GRM1: variants seen among roughly 807,000 people sequenced by gnomAD.
GRM1 encodes the protein metabotropic glutamate receptor 1.
In GRM1, 33 loss-of-function variants were observed where a neutral mutation model predicts 90.9. The ratio of observed to expected loss-of-function variants is 0.36; its 90% CI spans 0.28 to 0.49. GRM1 has a LOEUF of 0.49. GRM1 is among the 20% of genes least tolerant of loss of function. The probability of loss-of-function intolerance (pLI) is 0.99; values close to 1 mark genes in which losing one functional copy is unlikely to be tolerated. For missense variants in GRM1, 1,190 were observed against 1,534.3 expected (o/e 0.78, Z 3.75); for synonymous variants, 700 against 613.2 (o/e 1.14, Z -2.09).
At chr6:146,302,808 G>C (rs1414883654) in intron 2 of GRM1, among the ~76,000 whole-genome samples, 1 of 151,656 alleles carries the variant, frequency 6.6e-6, no homozygotes, top group African/African-American at 2.4e-5. Context: ...CTGGCACACA[G>C]TGACTGCTAG....
intron 1 of GRM1, among the ~76,000 whole-genome samples, chr6:146,141,181 C>T (rs367819025): frequency 1.1e-4 from 16 of 151,828 alleles, no homozygotes; most frequent in African/African-American, 2.7e-4. Flanking sequence ...TTTTTTCGTC[C>T]TGCATTTTAA....
chr6:146,095,694 G>A (rs1257029132), intron 1 of GRM1, among the ~76,000 whole-genome samples: 1 of 152,072 alleles, frequency 6.6e-6, no homozygotes, highest in Non-Finnish European at 1.5e-5. Context: ...GTCTGGCCCA[G>A]GGTAGGTTTC....
intron 7 of GRM1, among the ~76,000 whole-genome samples, chr6:146,421,538 C>T (rs1028179520): frequency 2.6e-5 from 4 of 151,940 alleles, no homozygotes; most frequent in Non-Finnish European, 1.5e-5. Flanking sequence ...TTAAAAGGAG[C>T]AGATTCATAT....
intron 3 of GRM1, among the ~76,000 whole-genome samples, chr6:146,321,760 GTT>G (rs1283407189): frequency 6.6e-6 from 1 of 151,942 alleles, no homozygotes; most frequent in Non-Finnish European, 1.5e-5. Context: ...TTTAAAGTCT[GTT>G]TTATCAGAGA....
At chr6:146,363,141 TA>T (rs1247189777) in intron 5 of GRM1, among the ~76,000 whole-genome samples, 1 of 152,152 alleles carries the variant, frequency 6.6e-6, no homozygotes, top group Non-Finnish European at 1.5e-5. Flanking sequence ...TATCCTTCTT[TA>T]AAAAAATTAA....
chr6:146,287,182 T>C (rs935081344), intron 2 of GRM1, among the ~76,000 whole-genome samples: 2 of 152,204 alleles, frequency 1.3e-5, no homozygotes, highest in African/African-American at 4.8e-5. Flanking sequence ...AGAGGAGTTT[T>C]CTGTAATAAG....
chr6:146,082,645 A>G (rs1257128955), intron 1 of GRM1, among the ~76,000 whole-genome samples: 1 of 152,064 alleles, frequency 6.6e-6, no homozygotes, highest in Non-Finnish European at 1.5e-5. Context: ...TATTTTCCCT[A>G]TCCTCATCCT....
Position 146,276,604 on chromosome 6 carries a change from G to A in GRM1, c.951-28007G>A, listed in dbSNP as rs187035750. Among the ~76,000 whole-genome samples the A allele has an allele frequency of 4.8e-3, 728 of 151,982 alleles. 4 individuals carry two copies. Among genetic ancestry groups the A allele is most frequent in the African/African-American group, 0.017 (698 of 41,466 alleles). On this transcript the variant is annotated intron_variant, in intron 2 of 7. Transcript: ENST00000282753. ...TAGAGACAAAGAAAAAAAATTAACAGGCAAAAGATGAAAGCTATCAGTCTG... is the reference window on the plus strand; with the variant it reads ...TAGAGACAAAGAAAAAAAATTAACAAGCAAAAGATGAAAGCTATCAGTCTG...
intron 1 of GRM1, among the ~76,000 whole-genome samples, chr6:146,115,185 A>G (rs374747933): frequency 1.9e-3 from 296 of 151,952 alleles, no homozygotes; most frequent in African/African-American, 6.0e-3. Flanking sequence ...TAAAATGCTC[A>G]TAAGAATCAC....
intron 3 of GRM1, among the ~76,000 whole-genome samples, chr6:146,350,421 T>A (rs181066096): frequency 1.4e-3 from 218 of 152,262 alleles, no homozygotes; most frequent in African/African-American, 5.1e-3. Flanking sequence ...GACAGGACAC[T>A]TTAAGGGGCT....
rs1790642622 is a variant in GRM1, at chr6:146,029,733, G to A, written c.216G>A (p.Glu72=). 1.9e-6 allele frequency: 3 copies of A among 1,614,078 alleles called. No homozygotes were observed. The highest frequency in any genetic ancestry group is 2.2e-5 in the East Asian group (1 of 44,858). The stretch of plus-strand genomic sequence containing the variant: ...AGAGGAAGTGTGGGGAGATCAGGGA[G>A]CAGTATGGCATCCAGAGGGTGGAGG... ...VPERKCGEIR[E]QYGIQRVEAM... is the part of the protein sequence containing the mutation. The change falls in exon 1 of 8, where the codon GAG becomes GAA. Residue 72 remains glutamate, a synonymous_variant. Transcript: ENST00000282753.
At chr6:146,303,719 A>G (rs1783475769) in intron 2 of GRM1, among the ~76,000 whole-genome samples, 1 of 152,068 alleles carries the variant, frequency 6.6e-6, no homozygotes, top group Non-Finnish European at 1.5e-5. Flanking sequence ...CTCACCCGGG[A>G]CTAAAAACCT....
chr6:146,134,945 A>G (rs1776561443), intron 1 of GRM1, among the ~76,000 whole-genome samples: 1 of 151,958 alleles, frequency 6.6e-6, no homozygotes, highest in Non-Finnish European at 1.5e-5. Flanking sequence ...ACAAAACAAA[A>G]CAAAACAAAA....
chr6:146,227,294 A>T (rs1335988579), intron 2 of GRM1, among the ~76,000 whole-genome samples: 1 of 151,960 alleles, frequency 6.6e-6, no homozygotes, highest in Non-Finnish European at 1.5e-5. Context: ...CCACTTTCAC[A>T]GTGGGGTTTG....
rs779571438 is a variant in GRM1, at chr6:146,371,697, A to G, written c.1602+14003A>G. 1.4e-4 allele frequency among the ~76,000 whole-genome samples: 22 copies of G among 152,192 alleles called. 1 individual carries two copies. The highest frequency in any genetic ancestry group is 2.1e-4 in the Non-Finnish European group (14 of 67,986). On this transcript the variant is annotated intron_variant, in intron 5 of 7. Transcript: ENST00000282753. ...TTGATTTGATTTTTAGATCCCGCAG[A>G]TAAGTGGGAATATGTGATGCTTGTG... is the stretch of plus-strand genomic sequence containing the variant.
At chr6:146,342,856 A>T (rs1232228891) in intron 3 of GRM1, among the ~76,000 whole-genome samples, 1 of 152,242 alleles carries the variant, frequency 6.6e-6, no homozygotes, top group Non-Finnish European at 1.5e-5. Context: ...TATATCCCAC[A>T]TCTAGCTTTC....
intron 1 of GRM1, among the ~76,000 whole-genome samples, chr6:146,120,246 A>C (rs1775928050): frequency 6.6e-6 from 1 of 151,174 alleles, no homozygotes; most frequent in South Asian, 2.1e-4. Flanking sequence ...TCTGTTTGTT[A>C]TTGGTGTATA....
chr6:146,287,999 A>G (rs1034879106), intron 2 of GRM1, among the ~76,000 whole-genome samples: 2 of 152,230 alleles, frequency 1.3e-5, no homozygotes, highest in East Asian at 3.8e-4. Flanking sequence ...GTAGTAGGAA[A>G]CTAATATAGA....
At chr6:146,219,470 C>T (rs190726413) in intron 2 of GRM1, among the ~76,000 whole-genome samples, 1 of 151,694 alleles carries the variant, frequency 6.6e-6, no homozygotes, top group East Asian at 1.9e-4. Context: ...CAGCCCAGAA[C>T]GGCGGTTTTG....
Sources: allele counts gnomAD v4.1 joint callset (sites outside exome capture counted in the v4.1 genomes callset), GRCh38; gene constraint gnomAD v4.1.1; transcripts MANE v1.5; gene names NCBI Gene and HGNC (gene_info 2026-07-23, HGNC 2026-07-21).